The following HESX1 variants were observed in gnomAD, a reference collection of about 807,000 sequenced individuals.
The protein encoded by HESX1 is homeobox expressed in ES cells 1.
A neutral mutation model predicts 22.5 loss-of-function variants in HESX1; 11 were observed. That is an observed-to-expected ratio of 0.49 (90% CI 0.31 to 0.81). The LOEUF (loss-of-function observed/expected upper bound fraction) is 0.81, where lower values mean the gene tolerates loss of function less well. HESX1 is among the 30% of genes least tolerant of loss of function. The probability of loss-of-function intolerance (pLI) is 0.05; values close to 1 mark genes in which losing one functional copy is unlikely to be tolerated. For missense variants in HESX1, 201 were observed against 212.6 expected (o/e 0.95, Z 0.34); for synonymous variants, 74 against 76.5 (o/e 0.97, Z 0.17).
upstream of HESX1, among the ~76,000 whole-genome samples, chr3:57,227,135 C>A (rs2060651439): frequency 6.6e-6 from 1 of 151,926 alleles, no homozygotes. Flanking sequence ...AAGGACTGAC[C>A]TCGGGAGGCC....
intron 1 of HESX1, among the ~76,000 whole-genome samples, chr3:57,225,476 T>G (rs1172323205): frequency 6.6e-6 from 1 of 152,156 alleles, no homozygotes; most frequent in African/African-American, 2.4e-5. Flanking sequence ...CCCAAAGAGC[T>G]GGAACTACAG....
chr3:57,216,160 C>T (rs1017892200), intron 1 of HESX1, among the ~76,000 whole-genome samples: 1 of 152,230 alleles, frequency 6.6e-6, no homozygotes, highest in African/African-American at 2.4e-5. Context: ...ACTTCCTTCA[C>T]AGTAAAATAA....
At chr3:57,206,139 C>T (rs1055923073) in intron 1 of HESX1, among the ~76,000 whole-genome samples, 2 of 152,066 alleles carry the variant, frequency 1.3e-5, no homozygotes, top group Non-Finnish European at 2.9e-5. Context: ...GGCAGTGAGC[C>T]GAGATCACGC....
intron 1 of HESX1, among the ~76,000 whole-genome samples, chr3:57,224,266 G>C (rs1272333070): frequency 6.6e-6 from 1 of 152,160 alleles, no homozygotes; most frequent in Admixed American, 6.5e-5. Flanking sequence ...TTACAGGCAT[G>C]AGCCACTGCA....
At chr3:57,200,254 A>C (rs540126250), upstream of HESX1, among the ~76,000 whole-genome samples, 4 of 152,372 alleles carry the variant, frequency 2.6e-5, no homozygotes, top group South Asian at 2.1e-4. Context: ...CAAATGTGGC[A>C]CTTATCTTTT....
chr3:57,215,135 A>G (rs999854093), intron 1 of HESX1, among the ~76,000 whole-genome samples: 24 of 152,210 alleles, frequency 1.6e-4, no homozygotes, highest in African/African-American at 5.3e-4. Context: ...TATCTCACAC[A>G]TATAACCTAA....
At chr3:57,206,839 C>T (rs776257412) in intron 1 of HESX1, among the ~76,000 whole-genome samples, 1 of 152,206 alleles carries the variant, frequency 6.6e-6, no homozygotes, top group East Asian at 1.9e-4. Context: ...CAAAGATCAT[C>T]AAGCATCTGA....
At chr3:57,206,692 G>A (rs149938412) in intron 1 of HESX1, among the ~76,000 whole-genome samples, 32 of 152,320 alleles carry the variant, frequency 2.1e-4, no homozygotes, top group Non-Finnish European at 4.1e-4. Context: ...TTAATCCTCA[G>A]ACTAGCAGTA....
At position 57,211,275 on chromosome 3, in the gene HESX1, C is replaced by A. The variant is rs545371355; in HGVS notation, c.-110-11247G>T. Among the ~76,000 whole-genome samples, 51 of 151,546 alleles carry A rather than the reference C, an allele frequency of 3.4e-4. 2 individuals are homozygous for A. In the South Asian group the frequency reaches 0.01, roughly 31 times the overall value. The stretch of plus-strand genomic sequence containing the variant: ...AGGTGCCATAGCTCATGCCTATAAT[C>A]CAAGCACTTTGGGAAGCCAAGGTGG... On this transcript the variant is annotated intron_variant, in intron 1 of 2. Coordinates refer to the HESX1 transcript ENST00000495160.
intron 1 of HESX1, among the ~76,000 whole-genome samples, chr3:57,211,890 A>G (rs1448523172): frequency 6.6e-6 from 1 of 151,982 alleles, no homozygotes; most frequent in Non-Finnish European, 1.5e-5. Flanking sequence ...TGAACAATTC[A>G]TATTTGTGGC....
chr3:57,219,896 C>G (rs1463818772), intron 1 of HESX1, among the ~76,000 whole-genome samples: 1 of 152,128 alleles, frequency 6.6e-6, no homozygotes, highest in African/African-American at 2.4e-5. Context: ...TTGGCATTTT[C>G]ATCATGAAAT....
intron 1 of HESX1, among the ~76,000 whole-genome samples, chr3:57,209,671 CAA>C (rs71088042): frequency 2.3e-3 from 192 of 82,086 alleles, no homozygotes; most frequent in East Asian, 6.3e-3. Flanking sequence ...AGCTCCATCT[CAA>C]AAAAAAAAAA....
At chr3:57,206,989 C>A (rs566464184) in intron 1 of HESX1, among the ~76,000 whole-genome samples, 1 of 152,238 alleles carries the variant, frequency 6.6e-6, no homozygotes, top group African/African-American at 2.4e-5. Flanking sequence ...AGTCTGTCGC[C>A]CAGGCTGGAG....
At chr3:57,223,511 G>A (rs1251070046) in intron 1 of HESX1, among the ~76,000 whole-genome samples, 2 of 152,156 alleles carry the variant, frequency 1.3e-5, no homozygotes, top group East Asian at 1.9e-4. Context: ...CTAGTTTGCA[G>A]TGGCACAATG....
At chr3:57,202,754 G>A (rs906643336), upstream of HESX1, among the ~76,000 whole-genome samples, 33 of 152,176 alleles carry the variant, frequency 2.2e-4, no homozygotes, top group Admixed American at 2.6e-4. Flanking sequence ...TGAAAGGAGT[G>A]AACAAGGTGA....
At chr3:57,209,671 CAAA>C (rs71088042) in intron 1 of HESX1, among the ~76,000 whole-genome samples, 8 of 82,098 alleles carry the variant, frequency 9.7e-5, no homozygotes, top group Non-Finnish European at 1.9e-4. Context: ...AGCTCCATCT[CAAA>C]AAAAAAAAAA....
At chr3:57,207,742 G>T (rs990754383) in intron 1 of HESX1, among the ~76,000 whole-genome samples, 28 of 152,062 alleles carry the variant, frequency 1.8e-4, no homozygotes, top group Admixed American at 1.8e-3. Context: ...CAAGCAAGAA[G>T]AAATTATCAG....
At chr3:57,205,865 T>G (rs2060517168) in intron 1 of HESX1, among the ~76,000 whole-genome samples, 1 of 152,196 alleles carries the variant, frequency 6.6e-6, no homozygotes, top group Admixed American at 6.5e-5. Flanking sequence ...TCTATAGGAT[T>G]TTTTTGTGTC....
intron 1 of HESX1, among the ~76,000 whole-genome samples, chr3:57,207,671 A>C (rs1469685859): frequency 6.6e-6 from 1 of 152,242 alleles, no homozygotes; most frequent in African/African-American, 2.4e-5. Flanking sequence ...ACAACAACAG[A>C]TTATAAAATT....
Sources: gnomAD v4.1 joint callset for allele counts (sites outside exome capture counted in the v4.1 genomes callset) on GRCh38, gnomAD v4.1.1 for gene constraint, MANE v1.5 for transcripts, NCBI Gene and HGNC (gene_info 2026-07-23, HGNC 2026-07-21) for gene names.